The following DSC2 variants were observed in gnomAD, a reference collection of about 807,000 sequenced individuals.
DSC2 encodes desmocollin-2.
Under a neutral mutation model 87.6 loss-of-function variants are expected in DSC2, and 51 were observed. That is an observed-to-expected ratio of 0.58 (90% CI 0.46 to 0.74). The LOEUF (loss-of-function observed/expected upper bound fraction) is 0.74, where lower values mean the gene tolerates loss of function less well. DSC2 is among the 30% of genes least tolerant of loss of function. DSC2 has a pLI of 0.00. For missense variants in DSC2, 1,066 were observed against 1,089.5 expected (o/e 0.98, Z 0.30); for synonymous variants, 383 against 393.2 (o/e 0.97, Z 0.31).
At position 31,092,205 on chromosome 18, in the gene DSC2, T is replaced by C; in HGVS notation, c.250A>G (p.Thr84Ala). Residue 84 changes from threonine to alanine, a missense_variant, in exon 3 of 16, where the codon ACT (threonine) becomes GCT (alanine). Thr to Ala is a moderately conservative substitution (Grantham distance 58). Transcript: ENST00000280904. ...CTCTTCTCCGAGGACAATAGAATAG[T>C]ATTTGTTGTATAGACTGAACCATCC... ...LEDGSVYTTN[T>A]ILLSSEKRSF... is the part of the protein sequence containing the mutation. The C allele has an allele frequency of 6.2e-7, 1 of 1,613,676 alleles. No homozygotes were observed. The highest frequency in any genetic ancestry group is 1.3e-5 in the African/African-American group (1 of 75,038).
rs758646191 is a variant in DSC2, at chr18:31,071,734, C to T, written c.1996G>A (p.Val666Ile). Reference sequence around the variant, plus strand: ...TCGGTAATGCAGTCACACAGTGTAACATCCAATGAAGTGACACTAGACATG... The same window carrying T: ...TCGGTAATGCAGTCACACAGTGTAATATCCAATGAAGTGACACTAGACATG... ...LGMSSVTSLD[V>I]TLCDCITEND... Residue 666 changes from valine to isoleucine, a missense_variant, in exon 13 of 16, where the codon GTT becomes ATT. By Grantham distance (29) the Val-to-Ile change is conservative (BLOSUM62 3). Coordinates refer to ENST00000280904, the MANE Select transcript of DSC2 (RefSeq NM_024422.6). The T allele has an allele frequency of 2.5e-6, 4 of 1,613,854 alleles. No individual in the cohort carries two copies. The highest frequency in any genetic ancestry group is 1.3e-5 in the African/African-American group (1 of 74,910).
At chr18:31,090,789 A>T (rs568883333) in intron 4 of DSC2, among the ~76,000 whole-genome samples, 1 of 152,164 alleles carries the variant, frequency 6.6e-6, no homozygotes, top group Non-Finnish European at 1.5e-5. Flanking sequence ...TGATGTGACA[A>T]TTCATTAAGG....
chr18:31,073,379 A>G (rs939050710), intron 12 of DSC2, among the ~76,000 whole-genome samples: 24 of 129,446 alleles, frequency 1.9e-4, no homozygotes, highest in African/African-American at 6.5e-4. Context: ...ACACGCACAC[A>G]CACACACACA....
Position 31,069,551 on chromosome 18 carries a change from C to A in DSC2, c.2251-400G>T, listed in dbSNP as rs1311748978. ...CCAACATGGTGGAACTCCGTCTCTACTAAAAATACAAAAATCAGCTGGGCA... is the reference window on the plus strand; with the variant it reads ...CCAACATGGTGGAACTCCGTCTCTAATAAAAATACAAAAATCAGCTGGGCA... On this transcript the variant is annotated intron_variant, in intron 14 of 15. Transcript: ENST00000280904. Among the ~76,000 whole-genome samples the A allele has an allele frequency of 2.0e-5, 3 of 151,958 alleles. No individual in the cohort carries two copies. In the East Asian group the frequency reaches 5.8e-4, roughly 29 times the overall value.
At position 31,065,586 on chromosome 18, in the gene DSC2, G is replaced by A. The variant is rs1009344230; in HGVS notation, c.*2429C>T. 3.3e-5 allele frequency: 5 copies of A among 152,146 alleles called. No individual in the cohort carries two copies. Among genetic ancestry groups the A allele is most frequent in the East Asian group, 1.9e-4 (1 of 5,190 alleles). The allele number at this position is 152,146 out of a possible 1,614,324, so 9.4% of individuals were successfully genotyped here. On this transcript the variant is annotated 3_prime_UTR_variant, in exon 16 of 16. Transcript: ENST00000280904. Reference sequence around the variant, plus strand: ...TCTTAGCACTTGGGGTTACTATGACGACTGCCAAACAGCCATGACCTCCCA... The same window carrying A: ...TCTTAGCACTTGGGGTTACTATGACAACTGCCAAACAGCCATGACCTCCCA...
chr18:31,086,187 A>G (rs981407), intron 7 of DSC2, among the ~76,000 whole-genome samples: 151,970 of 152,326 alleles, frequency 1, 75,809 homozygotes, highest in Middle Eastern at 1. Context: ...GCAGTTGATT[A>G]AAAATGGGAA....
chr18:31,088,568 C>A (rs942195448), intron 5 of DSC2, among the ~76,000 whole-genome samples: 4 of 151,956 alleles, frequency 2.6e-5, no homozygotes, highest in South Asian at 2.1e-4. Context: ...TTAATTCATC[C>A]AAAATAGACA....
chr18:31,090,966 G>A (rs912456782), intron 4 of DSC2, 62 bp downstream of exon 4: 4 of 1,604,748 alleles, frequency 2.5e-6, no homozygotes, highest in East Asian at 2.2e-5. Context: ...TTCATACTCA[G>A]TGTCATAATG....
rs942643424 is a variant in DSC2, at chr18:31,060,668, A to T, written c.*7347T>A. On this transcript the variant is annotated 3_prime_UTR_variant, in exon 16 of 16. Transcript: ENST00000280904. ...AATTCTGATTTTTAAAAATATATGC[A>T]ACTTACTTTGCATACATCTTCTTGA... 1 of 152,170 alleles carries T rather than the reference A, an allele frequency of 6.6e-6. No homozygotes were observed. Among genetic ancestry groups the T allele is most frequent in the African/African-American group, 2.4e-5 (1 of 41,424 alleles). 9.4% of individuals were successfully genotyped at this position (152,170 alleles called of 1,614,324 possible). A position where few individuals can be genotyped will look rare whatever the true frequency, so the allele number is the denominator to read the frequency against.
chr18:31,100,967 G>C (rs1270992288), intron 1 of DSC2, among the ~76,000 whole-genome samples: 1 of 152,114 alleles, frequency 6.6e-6, no homozygotes, highest in Non-Finnish European at 1.5e-5. Flanking sequence ...GCCTGGGAAA[G>C]GGGCTGTCCC....
chr18:31,079,794 G>A, intron 11 of DSC2, 53 bp downstream of exon 11: 1 of 1,606,000 alleles, frequency 6.2e-7, no homozygotes. Flanking sequence ...CTTAAACACT[G>A]AAGATGTATG....
chr18:31,093,271 A>C (rs1484014185), intron 2 of DSC2, among the ~76,000 whole-genome samples: 2 of 152,016 alleles, frequency 1.3e-5, no homozygotes, highest in Non-Finnish European at 2.9e-5. Context: ...TGCATTAGCT[A>C]TTTTTCCTGA....
rs982878286 is a variant in DSC2, at chr18:31,062,600, T to C, written c.*5415A>G. 1.3e-5 allele frequency: 2 copies of C among 152,196 alleles called. No individual in the cohort carries two copies. The highest frequency in any genetic ancestry group is 4.8e-5 in the African/African-American group (2 of 41,462). 9.4% of individuals were successfully genotyped at this position (152,196 alleles called of 1,614,324 possible). ...ATTTATTCATCACACACCAAATATATTCAGTGTCTACTGCTCTACATGTTA... is the reference window on the plus strand; with the variant it reads ...ATTTATTCATCACACACCAAATATACTCAGTGTCTACTGCTCTACATGTTA... On this transcript the variant is annotated 3_prime_UTR_variant, in exon 16 of 16. Coordinates refer to ENST00000280904, the MANE Select transcript of DSC2 (RefSeq NM_024422.6).
At position 31,066,097 on chromosome 18, in the gene DSC2, G is replaced by A. The variant is rs189510925; in HGVS notation, c.*1918C>T. 1.3e-5 allele frequency: 2 copies of A among 152,078 alleles called. No individual in the cohort carries two copies. Among genetic ancestry groups the A allele is most frequent in the African/African-American group, 4.8e-5 (2 of 41,422 alleles). The allele number at this position is 152,078 out of a possible 1,614,324, so 9.4% of individuals were successfully genotyped here. On this transcript the variant is annotated 3_prime_UTR_variant, in exon 16 of 16. Transcript: ENST00000280904. ...ACAATGGCCCTAGGAAACAAGTTCT[G>A]TTATTATCCCCCATTTTAAAATGAT...
chr18:31,060,220 T>C lies in DSC2; in HGVS notation c.*7795A>G, dbSNP rs907458691. 2 of 152,180 alleles carry C rather than the reference T, an allele frequency of 1.3e-5. No individual in the cohort carries two copies. Among genetic ancestry groups the C allele is most frequent in the East Asian group, 3.8e-4 (2 of 5,198 alleles). The allele number at this position is 152,180 out of a possible 1,614,324, so 9.4% of individuals were successfully genotyped here. Reference sequence around the variant, plus strand: ...CAAACATCCTTGCATGTGAGTAGAATCTTTACACTATTCTCTTACTTCTTT... The same window carrying C: ...CAAACATCCTTGCATGTGAGTAGAACCTTTACACTATTCTCTTACTTCTTT... On this transcript the variant is annotated 3_prime_UTR_variant, in exon 16 of 16. Transcript: ENST00000280904.
chr18:31,077,055 C>T (rs895083003), intron 11 of DSC2, among the ~76,000 whole-genome samples: 6 of 151,896 alleles, frequency 4.0e-5, no homozygotes, highest in African/African-American at 1.5e-4. Context: ...TTAAAATTCA[C>T]ATTCCACAAT....
chr18:31,089,318 G>T, intron 5 of DSC2, 121 bp downstream of exon 5: 1 of 1,051,022 alleles, frequency 9.5e-7, no homozygotes, highest in East Asian at 2.4e-5. Context: ...GTGCTATTAG[G>T]GAGTAGCCAG....
At position 31,074,791 on chromosome 18, in the gene DSC2, T is replaced by G. The variant is rs1365493039; in HGVS notation, c.1780A>C (p.Ile594Leu). 6.2e-7 allele frequency: 1 copy of G among 1,613,968 alleles called. No homozygotes were observed. The highest frequency in any genetic ancestry group is 1.3e-5 in the African/African-American group (1 of 75,006). Residue 594 changes from isoleucine to leucine, a missense_variant, in exon 12 of 16, where the codon ATT (isoleucine) becomes CTT (leucine). By Grantham distance (5) the Ile-to-Leu change is conservative (BLOSUM62 2). Transcript: ENST00000280904. ...ICKPTMSSAE[I>L]VAVDPDEPIH... ...GGCTCATCAGGATCAACCGCAACAA[T>G]CTCCGCAGATGACATGGTGGGTTTG...
chr18:31,068,175 T>G lies in DSC2; in HGVS notation c.2546A>C (p.His849Pro), dbSNP rs184487763. ...ATATGTCAGGACATAGTCTTGGGCA[T>G]GCTTGTGATTTTCATCTTGATTACA... is the stretch of plus-strand genomic sequence containing the variant. Reference protein sequence around the residue: ...YLCNQDENHKHAQDYVLTYNY... With the variant: ...YLCNQDENHKPAQDYVLTYNY... Residue 849 changes from histidine (H) to proline (P), a missense_variant, in exon 16 of 16, where the codon CAT becomes CCT. Transcript: ENST00000280904. 71 of 1,614,152 alleles carry G rather than the reference T, an allele frequency of 4.4e-5. No individual in the cohort carries two copies. In the Admixed American group the frequency reaches 1.1e-3, roughly 25 times the overall value.
Sources: allele counts gnomAD v4.1 joint callset (sites outside exome capture counted in the v4.1 genomes callset), GRCh38; gene constraint gnomAD v4.1.1; transcripts MANE v1.5; gene names NCBI Gene and HGNC (gene_info 2026-07-23, HGNC 2026-07-21).